ACACA: variants seen among roughly 807,000 people sequenced by gnomAD.
The protein encoded by ACACA is acetyl-CoA carboxylase 1.
In ACACA, 103 loss-of-function variants were observed where a neutral mutation model predicts 296.1. The observed-to-expected ratio is 0.35, with a 90% CI of 0.30 to 0.41. The LOEUF (loss-of-function observed/expected upper bound fraction) is 0.41, where lower values mean the gene tolerates loss of function less well. Ranked by LOEUF, ACACA falls within the 10% of genes least tolerant of loss-of-function variation. The probability of loss-of-function intolerance (pLI) is 1.00; values close to 1 mark genes in which losing one functional copy is unlikely to be tolerated. For missense variants in ACACA, 1,554 were observed against 2,989.7 expected (o/e 0.52, Z 11.20); for synonymous variants, 953 against 1,038.6 (o/e 0.92, Z 1.58).
chr17:37,342,782 CAA>C (rs771358364), intron 1 of ACACA, among the ~76,000 whole-genome samples: 3 of 137,428 alleles, frequency 2.2e-5, no homozygotes, highest in African/African-American at 2.7e-5. Context: ...CCATCTCTAC[CAA>C]AAAAAAAAAA....
intron 52 of ACACA, among the ~76,000 whole-genome samples, chr17:37,105,287 G>A (rs2073611768): frequency 1.3e-5 from 2 of 152,280 alleles, no homozygotes; most frequent in South Asian, 2.1e-4. Flanking sequence ...ATAAAAGAAT[G>A]TGATATTAAA....
At chr17:37,274,475 A>G in intron 8 of ACACA, 176 bp from the exon 9 acceptor site, 1 of 527,984 alleles carries the variant, frequency 1.9e-6, no homozygotes, top group Non-Finnish European at 2.4e-6. Context: ...TAGCCACAGC[A>G]TGACCCGGCA....
chr17:37,141,655 C>A (rs2075585734), intron 45 of ACACA, among the ~76,000 whole-genome samples: 1 of 151,994 alleles, frequency 6.6e-6, no homozygotes, highest in African/African-American at 2.4e-5. Flanking sequence ...AAGTTGCTTA[C>A]CTAGTAAATG....
At chr17:37,399,739 G>A (rs961920837) in intron 1 of ACACA, among the ~76,000 whole-genome samples, 2 of 152,100 alleles carry the variant, frequency 1.3e-5, no homozygotes, top group Non-Finnish European at 2.9e-5. Context: ...CACGAAAACT[G>A]TTTAATGGCC....
At chr17:37,107,867 A>C (rs2073774923) in intron 52 of ACACA, among the ~76,000 whole-genome samples, 1 of 152,056 alleles carries the variant, frequency 6.6e-6, no homozygotes, top group African/African-American at 2.4e-5. Context: ...CCAGGAGAGG[A>C]CCTCAGGTCA....
intron 39 of ACACA, among the ~76,000 whole-genome samples, chr17:37,185,968 G>T (rs1460830219): frequency 6.6e-6 from 1 of 152,136 alleles, no homozygotes; most frequent in Non-Finnish European, 1.5e-5. Context: ...CCTGACATCA[G>T]TGTTCATTAC....
At chr17:37,298,759 T>C (rs1220876589) in intron 3 of ACACA, among the ~76,000 whole-genome samples, 1 of 152,234 alleles carries the variant, frequency 6.6e-6, no homozygotes, top group Non-Finnish European at 1.5e-5. Context: ...CTCCTCAGCC[T>C]GAGTTCTAAT....
intron 1 of ACACA, among the ~76,000 whole-genome samples, chr17:37,362,670 T>A (rs2049446536): frequency 6.6e-6 from 1 of 152,130 alleles, no homozygotes; most frequent in African/African-American, 2.4e-5. Context: ...AACCACCTGA[T>A]GAAACAAACA....
chr17:37,372,413 G>GA (rs71135711), intron 1 of ACACA, among the ~76,000 whole-genome samples: 12,419 of 89,400 alleles, frequency 0.14, 1,604 homozygotes, highest in African/African-American at 0.36. Context: ...ACTCTGTCTC[G>GA]AAAAAAAAAA....
intron 42 of ACACA, among the ~76,000 whole-genome samples, chr17:37,159,862 G>C (rs1006400206): frequency 6.6e-6 from 1 of 152,168 alleles, no homozygotes; most frequent in African/African-American, 2.4e-5. Flanking sequence ...CAGGAATGCA[G>C]GAAGATAAAA....
intron 52 of ACACA, among the ~76,000 whole-genome samples, chr17:37,099,590 AGGAGGGCTGATGGCG>A (rs1258571617): frequency 4.9e-5 from 4 of 81,340 alleles, no homozygotes; most frequent in Non-Finnish European, 6.7e-5. Context: ...GGCTGATGGC[AGGAGGGCTGATGGCG>A]GGAGGGCTGA....
intron 7 of ACACA, among the ~76,000 whole-genome samples, chr17:37,276,685 G>A (rs1207964619): frequency 6.6e-6 from 1 of 152,168 alleles, no homozygotes; most frequent in Non-Finnish European, 1.5e-5. Flanking sequence ...GGCATCCTGA[G>A]TATTCAATTA....
intron 1 of ACACA, among the ~76,000 whole-genome samples, chr17:37,343,227 C>T (rs187988543): frequency 1.4e-3 from 218 of 152,176 alleles, no homozygotes; most frequent in Admixed American, 5.3e-3. Flanking sequence ...ATCCACCTGC[C>T]TCAGCCTCCC....
chr17:37,333,839 T>G (rs1279097228), intron 2 of ACACA, among the ~76,000 whole-genome samples: 1 of 150,064 alleles, frequency 6.7e-6, no homozygotes, highest in Non-Finnish European at 1.5e-5. Flanking sequence ...TATGCCCAAA[T>G]CTCAGGGATT....
intron 45 of ACACA, chr17:37,144,376 C>T: frequency 2.3e-6 from 1 of 439,780 alleles, no homozygotes; most frequent in South Asian, 2.2e-5. Flanking sequence ...TCTATCGTAA[C>T]CTCTTTAAGT....
chr17:37,297,102 A>G (rs1949416547), intron 3 of ACACA, among the ~76,000 whole-genome samples: 1 of 151,996 alleles, frequency 6.6e-6, no homozygotes, highest in Non-Finnish European at 1.5e-5. Flanking sequence ...TTTTATTTCT[A>G]TATGTATAGC....
In ACACA at chr17:37,179,332, C is replaced by T. The variant is rs758062783; in HGVS notation, c.5007G>A (p.Leu1669=). The T allele has an allele frequency of 4.3e-6, 7 of 1,614,008 alleles. No homozygotes were observed. Among genetic ancestry groups the T allele is most frequent in the African/African-American group, 1.3e-5 (1 of 74,904 alleles). The change falls in exon 41 of 56, where the codon CTG becomes CTA. Residue 1669 remains leucine, a synonymous_variant. Transcript: ENST00000616317. ...LPSPPLPSDM[L]TYTELVLDDQ... is the part of the protein sequence containing the mutation. ...CATCCAGTACCAGTTCAGTGTAAGT[C>T]AGCATGTCAGAAGGCAGAGGGGGAG... is the stretch of plus-strand genomic sequence containing the variant.
chr17:37,167,078 G>A (rs1295049449), intron 41 of ACACA, among the ~76,000 whole-genome samples: 1 of 150,362 alleles, frequency 6.7e-6, no homozygotes, highest in African/African-American at 2.5e-5. Flanking sequence ...CTGAGTAGCT[G>A]GGATTACAGG....
At chr17:37,381,623 A>T (rs1198970184) in intron 1 of ACACA, among the ~76,000 whole-genome samples, 1 of 142,520 alleles carries the variant, frequency 7.0e-6, no homozygotes, top group Non-Finnish European at 1.5e-5. Flanking sequence ...TCTCTTCCAT[A>T]GTCTTTTTTT....
Sources: allele counts gnomAD v4.1 joint callset (sites outside exome capture counted in the v4.1 genomes callset), GRCh38; gene constraint gnomAD v4.1.1; transcripts MANE v1.5; gene names NCBI Gene and HGNC (gene_info 2026-07-23, HGNC 2026-07-21).